CSMD1: variants seen among roughly 807,000 people sequenced by gnomAD.
The protein encoded by CSMD1 is CUB and sushi domain-containing protein 1.
CSMD1 carries 213 observed loss-of-function variants against 417.5 expected under a neutral mutation model. The ratio of observed to expected loss-of-function variants is 0.51; its 90% CI spans 0.46 to 0.57. The LOEUF (loss-of-function observed/expected upper bound fraction) is 0.57, where lower values mean the gene tolerates loss of function less well. CSMD1 is among the 20% of genes least tolerant of loss of function. CSMD1 has a pLI of 0.00. For missense variants in CSMD1, 6,923 were observed against 4,529.7 expected, an observed-to-expected ratio of 1.53 and a Z score of -15.17; for synonymous variants, 2,862 against 1,736.8, an observed-to-expected ratio of 1.65 and a Z score of -16.11.
intron 2 of CSMD1, among the ~76,000 whole-genome samples, chr8:4,471,553 G>T (rs978157381): frequency 2.6e-5 from 4 of 151,958 alleles, no homozygotes; most frequent in African/African-American, 9.7e-5. Context: ...ACCAGTGCAT[G>T]GTGTTTAATA....
At chr8:4,492,529 T>C (rs576268578) in intron 2 of CSMD1, among the ~76,000 whole-genome samples, 8 of 152,218 alleles carry the variant, frequency 5.3e-5, no homozygotes, top group Non-Finnish European at 8.8e-5. Context: ...ATTATAATAT[T>C]TCTCACATGA....
intron 1 of CSMD1, among the ~76,000 whole-genome samples, chr8:4,765,869 G>T (rs551920431): frequency 3.9e-4 from 59 of 152,302 alleles, no homozygotes; most frequent in African/African-American, 1.4e-3. Context: ...TCTTGGCCCA[G>T]AAGCTAATCT....
intron 25 of CSMD1, among the ~76,000 whole-genome samples, chr8:3,305,702 G>C (rs950628469): frequency 1.3e-5 from 2 of 152,094 alleles, no homozygotes. Context: ...TTTTTCTTGA[G>C]ACACAGTCTC....
chr8:3,733,048 C>T (rs753918765), intron 6 of CSMD1, among the ~76,000 whole-genome samples: 11 of 151,654 alleles, frequency 7.3e-5, no homozygotes, highest in Non-Finnish European at 1.2e-4. Context: ...ATATGTCAGC[C>T]GAAGTAAATG....
At chr8:3,269,588 C>T (rs573328417) in intron 26 of CSMD1, among the ~76,000 whole-genome samples, 4 of 152,292 alleles carry the variant, frequency 2.6e-5, no homozygotes, top group South Asian at 4.1e-4. Flanking sequence ...AAATCAATCT[C>T]GCAAAACCTG....
At chr8:4,651,338 T>C (rs1642408615) in intron 1 of CSMD1, among the ~76,000 whole-genome samples, 3 of 152,144 alleles carry the variant, frequency 2.0e-5, no homozygotes, top group South Asian at 2.1e-4. Context: ...AATCAACCTT[T>C]AATAGCGTTG....
At chr8:4,733,447 G>A (rs980065152) in intron 1 of CSMD1, among the ~76,000 whole-genome samples, 1 of 152,190 alleles carries the variant, frequency 6.6e-6, no homozygotes, top group Non-Finnish European at 1.5e-5. Context: ...GTAGGTGTCG[G>A]AGAAGGAGCT....
intron 1 of CSMD1, among the ~76,000 whole-genome samples, chr8:4,750,640 C>G (rs1157533258): frequency 6.6e-6 from 1 of 151,480 alleles, no homozygotes; most frequent in East Asian, 1.9e-4. Context: ...ACATACACAT[C>G]TAAATAAAAT....
intron 3 of CSMD1, among the ~76,000 whole-genome samples, chr8:4,245,821 T>C (rs1802672460): frequency 6.6e-6 from 1 of 152,208 alleles, no homozygotes; most frequent in East Asian, 1.9e-4. Flanking sequence ...TATTGACAAG[T>C]GTGCACAATC....
rs114244670 is a variant in CSMD1, at chr8:4,793,456, C to G, written c.86-155898G>C. ...CTCTTTATCACTTTCTCCTCCAGCTCCATCCCCTCTCTCCTCCCCACCATC... is the reference window on the plus strand; with the variant it reads ...CTCTTTATCACTTTCTCCTCCAGCTGCATCCCCTCTCTCCTCCCCACCATC... On this transcript the variant is annotated intron_variant, in intron 1 of 69. Coordinates refer to ENST00000635120, the MANE Select transcript of CSMD1 (RefSeq NM_033225.6). Among the ~76,000 whole-genome samples the G allele has an allele frequency of 3.6e-3, 547 of 152,150 alleles. 1 individual carries two copies. Among genetic ancestry groups the G allele is most frequent in the African/African-American group, 0.012 (500 of 41,506 alleles).
At chr8:3,752,662 C>A (rs866380342) in intron 6 of CSMD1, among the ~76,000 whole-genome samples, 36 of 141,404 alleles carry the variant, frequency 2.5e-4, no homozygotes, top group Middle Eastern at 3.7e-3. Flanking sequence ...CACTGCCACC[C>A]ACTCCCCGCC....
At chr8:2,957,884 A>G in intron 62 of CSMD1, 77 bp from the exon 63 acceptor site, 5 of 970,662 alleles carry the variant, frequency 5.2e-6, no homozygotes, top group Non-Finnish European at 8.0e-6. Context: ...CTGAAAGTAC[A>G]CGCCCGAGTA....
rs77049072 is a variant in CSMD1 at position 3,843,564 on chromosome 8, C to G, written c.819-89522G>C. ...AAAAAAAAACAAGTTATTCACGATG[C>G]TTTTATGTCAATGCATCCAGTTGGA... On this transcript the variant is annotated intron_variant, in intron 5 of 69. Transcript: ENST00000635120. Among the ~76,000 whole-genome samples the G allele has an allele frequency of 1.6e-4, 25 of 152,092 alleles. No homozygotes were observed. The East Asian group carries it at 4.6e-3, about 28-fold the overall frequency.
chr8:4,586,809 T>A (rs1008387097), intron 2 of CSMD1, among the ~76,000 whole-genome samples: 1 of 152,232 alleles, frequency 6.6e-6, no homozygotes, highest in Admixed American at 6.5e-5. Context: ...CTGCAGCTGT[T>A]CTGCACACAG....
At chr8:4,586,328 C>G (rs1001446072) in intron 2 of CSMD1, among the ~76,000 whole-genome samples, 1 of 152,164 alleles carries the variant, frequency 6.6e-6, no homozygotes, top group Non-Finnish European at 1.5e-5. Context: ...TTGGCAGTGA[C>G]TAATTGCTTG....
At chr8:3,994,990 G>C (rs1252831858) in intron 5 of CSMD1, among the ~76,000 whole-genome samples, 2 of 152,098 alleles carry the variant, frequency 1.3e-5, no homozygotes, top group Non-Finnish European at 2.9e-5. Context: ...GAATGACCCT[G>C]TGCTTGGGAA....
chr8:3,182,457 T>A (rs1352128851), intron 36 of CSMD1, among the ~76,000 whole-genome samples: 1 of 152,046 alleles, frequency 6.6e-6, no homozygotes, highest in South Asian at 2.1e-4. Flanking sequence ...TCAAGTGATC[T>A]GCTTGCCTCG....
At chr8:3,038,337 G>A (rs1708405408) in intron 50 of CSMD1, among the ~76,000 whole-genome samples, 1 of 152,156 alleles carries the variant, frequency 6.6e-6, no homozygotes, top group Admixed American at 6.5e-5. Flanking sequence ...TACATAAAAT[G>A]AGTCTAATCC....
chr8:3,587,161 G>A (rs1250593381), intron 8 of CSMD1, among the ~76,000 whole-genome samples: 1 of 152,168 alleles, frequency 6.6e-6, no homozygotes, highest in African/African-American at 2.4e-5. Flanking sequence ...CCTGGCTCCA[G>A]AGCTGCATTT....
Sources: gnomAD v4.1 joint callset for allele counts (sites outside exome capture counted in the v4.1 genomes callset) on GRCh38, gnomAD v4.1.1 for gene constraint, MANE v1.5 for transcripts, NCBI Gene and HGNC (gene_info 2026-07-23, HGNC 2026-07-21) for gene names.